Variants in ARHGAP26 observed in about 807,000 individuals in gnomAD.
ARHGAP26 encodes rho GTPase-activating protein 26.
ARHGAP26 carries 38 observed loss-of-function variants against 104.8 expected under a neutral mutation model. The observed-to-expected ratio is 0.36, with a 90% confidence interval of 0.28 to 0.48. ARHGAP26 has a LOEUF of 0.48. ARHGAP26 is among the 20% of genes least tolerant of loss of function. The probability of loss-of-function intolerance (pLI) is 0.99; values close to 1 mark genes in which losing one functional copy is unlikely to be tolerated. For synonymous variants in ARHGAP26, 341 were observed against 340.0 expected, an observed-to-expected ratio of 1.00 and a Z score of -0.03; for missense variants, 704 against 947.9, an observed-to-expected ratio of 0.74 and a Z score of 3.38.
chr5:143,163,001 C>A (rs1801457370), intron 20 of ARHGAP26, among the ~76,000 whole-genome samples: 1 of 151,978 alleles, frequency 6.6e-6, no homozygotes, highest in South Asian at 2.1e-4. Flanking sequence ...CCTGTGGTCC[C>A]ATCTACTTGG....
intron 11 of ARHGAP26, among the ~76,000 whole-genome samples, chr5:142,994,713 A>G (rs1444251323): frequency 6.6e-6 from 1 of 152,230 alleles, no homozygotes; most frequent in East Asian, 1.9e-4. Context: ...GATAAAAGTG[A>G]TGCCATTAAC....
chr5:142,984,583 C>T (rs1017453516), intron 11 of ARHGAP26, among the ~76,000 whole-genome samples: 2 of 152,088 alleles, frequency 1.3e-5, no homozygotes, highest in Non-Finnish European at 2.9e-5. Flanking sequence ...CTTTTCTTAG[C>T]GTAATGCATA....
At chr5:142,952,705 C>A (rs1403458370) in intron 11 of ARHGAP26, among the ~76,000 whole-genome samples, 3 of 152,006 alleles carry the variant, frequency 2.0e-5, no homozygotes, top group Non-Finnish European at 4.4e-5. Context: ...TTTTAGCATC[C>A]CAGCTAAAAA....
At chr5:143,188,400 A>G (rs1188385836) in intron 20 of ARHGAP26, among the ~76,000 whole-genome samples, 1 of 152,258 alleles carries the variant, frequency 6.6e-6, no homozygotes, top group Admixed American at 6.5e-5. Flanking sequence ...TGCTAATGTT[A>G]GGACTTGCCA....
intron 1 of ARHGAP26, among the ~76,000 whole-genome samples, chr5:142,800,384 T>G (rs1204310674): frequency 6.6e-6 from 1 of 151,576 alleles, no homozygotes; most frequent in Admixed American, 6.6e-5. Context: ...TTTTTTTTTT[T>G]CTGAGATGGA....
intron 1 of ARHGAP26, among the ~76,000 whole-genome samples, chr5:142,776,079 TAATTG>T (rs1430756797): frequency 6.6e-6 from 1 of 152,240 alleles, no homozygotes; most frequent in Non-Finnish European, 1.5e-5. Flanking sequence ...CATAAAAGGT[TAATTG>T]AATTATAATT....
At chr5:143,056,148 G>A (rs1307180778) in intron 16 of ARHGAP26, 62 bp downstream of exon 16, 48 of 1,395,964 alleles carry the variant, frequency 3.4e-5, no homozygotes, top group Non-Finnish European at 4.7e-5. Flanking sequence ...TCAAAGAAGA[G>A]TCAGTATCCC....
intron 20 of ARHGAP26, among the ~76,000 whole-genome samples, chr5:143,190,300 A>G (rs1189937930): frequency 6.6e-6 from 1 of 152,168 alleles, no homozygotes; most frequent in Non-Finnish European, 1.5e-5. Flanking sequence ...CTTCCAACAC[A>G]TGCTTCTTAA....
intron 1 of ARHGAP26, among the ~76,000 whole-genome samples, chr5:142,798,625 T>G (rs181472967): frequency 4.2e-4 from 64 of 152,342 alleles, no homozygotes; most frequent in Admixed American, 2.7e-3. Flanking sequence ...AGGGTGGTGA[T>G]GGTGCAAGTA....
intron 1 of ARHGAP26, among the ~76,000 whole-genome samples, chr5:142,780,778 C>T (rs1247704863): frequency 6.6e-6 from 1 of 152,134 alleles, no homozygotes; most frequent in African/African-American, 2.4e-5. Context: ...CTTCTGCCTT[C>T]TGTGACCGGA....
At chr5:142,853,265 A>T (rs896659403) in intron 1 of ARHGAP26, among the ~76,000 whole-genome samples, 1 of 151,880 alleles carries the variant, frequency 6.6e-6, no homozygotes, top group Non-Finnish European at 1.5e-5. Flanking sequence ...GCTCACTGCA[A>T]CCTCCGCCTC....
At chr5:143,128,557 T>A (rs3776298) in intron 18 of ARHGAP26, among the ~76,000 whole-genome samples, 19 of 152,174 alleles carry the variant, frequency 1.2e-4, no homozygotes, top group African/African-American at 3.4e-4. Context: ...TGAATTTGGC[T>A]TCTTAACAGT....
At chr5:142,956,794 C>A (rs1055418395) in intron 11 of ARHGAP26, among the ~76,000 whole-genome samples, 1 of 151,994 alleles carries the variant, frequency 6.6e-6, no homozygotes, top group South Asian at 2.1e-4. Context: ...ACAATTATGG[C>A]GGAGGGTGAA....
At chr5:142,986,067 T>C (rs1221997476) in intron 11 of ARHGAP26, among the ~76,000 whole-genome samples, 3 of 152,336 alleles carry the variant, frequency 2.0e-5, no homozygotes, top group East Asian at 1.9e-4. Flanking sequence ...TTCTAGATCC[T>C]TGAGGAATTG....
intron 20 of ARHGAP26, among the ~76,000 whole-genome samples, chr5:143,151,844 G>T (rs1287640578): frequency 1.3e-5 from 2 of 152,102 alleles, no homozygotes; most frequent in Non-Finnish European, 2.9e-5. Flanking sequence ...TGTAGTCCCA[G>T]GCTCAGGAGG....
intron 1 of ARHGAP26, among the ~76,000 whole-genome samples, chr5:142,837,350 T>G (rs1373304369): frequency 4.7e-5 from 6 of 126,708 alleles, no homozygotes; most frequent in Non-Finnish European, 9.9e-5. Context: ...CAAAATTCTG[T>G]TTTTTTTTTT....
intron 10 of ARHGAP26, among the ~76,000 whole-genome samples, chr5:142,928,784 C>T (rs1284054470): frequency 6.6e-6 from 1 of 152,216 alleles, no homozygotes; most frequent in Non-Finnish European, 1.5e-5. Flanking sequence ...AGCACAGCAA[C>T]TGGCATATAC....
intron 17 of ARHGAP26, among the ~76,000 whole-genome samples, chr5:143,066,617 G>A (rs1787531122): frequency 6.6e-6 from 1 of 152,202 alleles, no homozygotes; most frequent in South Asian, 2.1e-4. Context: ...ACCAAAATAA[G>A]TCATTCTTGC....
intron 13 of ARHGAP26, among the ~76,000 whole-genome samples, chr5:143,038,326 G>A (rs951724006): frequency 1.6e-4 from 24 of 152,060 alleles, no homozygotes; most frequent in African/African-American, 5.8e-4. Context: ...TATGTATACT[G>A]TCAAAAGATA....
Sources: gnomAD v4.1 joint callset for allele counts (sites outside exome capture counted in the v4.1 genomes callset) on GRCh38, gnomAD v4.1.1 for gene constraint, MANE v1.5 for transcripts, NCBI Gene and HGNC (gene_info 2026-07-23, HGNC 2026-07-21) for gene names.